The following SCRN1 variants were observed in gnomAD, a reference collection of about 807,000 sequenced individuals.
SCRN1 encodes the protein secernin-1.
SCRN1 carries 19 observed loss-of-function variants against 43.3 expected under a neutral mutation model. The ratio of observed to expected loss-of-function variants is 0.44; its 90% CI spans 0.31 to 0.64. SCRN1 has a LOEUF of 0.64. Among genes scored for constraint, SCRN1 ranks in the 30% least tolerant of loss-of-function variants. The pLI is 0.09. For missense variants in SCRN1, 447 were observed against 524.1 expected (o/e 0.85, Z 1.44); for synonymous variants, 183 against 188.9 (o/e 0.97, Z 0.26).
At chr7:29,979,324 C>G (rs917426646) in intron 1 of SCRN1, among the ~76,000 whole-genome samples, 1 of 152,056 alleles carries the variant, frequency 6.6e-6, no homozygotes, top group African/African-American at 2.4e-5. Flanking sequence ...GATCACGCCA[C>G]TGCACTCCAG....
chr7:29,937,146 A>C (rs937534923), intron 5 of SCRN1, among the ~76,000 whole-genome samples: 1 of 151,328 alleles, frequency 6.6e-6, no homozygotes, highest in African/African-American at 2.4e-5. Flanking sequence ...TTAGTAATAA[A>C]AACTCTGAAA....
chr7:29,984,328 G>A (rs1211348354), intron 1 of SCRN1, among the ~76,000 whole-genome samples: 1 of 151,408 alleles, frequency 6.6e-6, no homozygotes, highest in Non-Finnish European at 1.5e-5. Context: ...CAAATCATAT[G>A]GATAAATTTT....
intron 1 of SCRN1, among the ~76,000 whole-genome samples, chr7:29,970,280 C>A (rs934931839): frequency 4.6e-5 from 7 of 152,196 alleles, no homozygotes; most frequent in Non-Finnish European, 1.0e-4. Flanking sequence ...TCCACTCTCA[C>A]AATGCCGGCA....
intron 1 of SCRN1, among the ~76,000 whole-genome samples, chr7:29,971,887 C>T (rs1245443668): frequency 1.3e-5 from 2 of 152,158 alleles, no homozygotes; most frequent in Admixed American, 1.3e-4. Context: ...TTGTTTATGG[C>T]AGGCCCCTCC....
At chr7:29,925,142 G>A (rs1354060340) in intron 7 of SCRN1, among the ~76,000 whole-genome samples, 1 of 152,118 alleles carries the variant, frequency 6.6e-6, no homozygotes, top group Non-Finnish European at 1.5e-5. Flanking sequence ...AAACACAGTT[G>A]AATGCAGTGG....
chr7:29,974,680 TC>T (rs1788754955), intron 1 of SCRN1, among the ~76,000 whole-genome samples: 1 of 145,922 alleles, frequency 6.9e-6, no homozygotes, highest in African/African-American at 2.6e-5. Context: ...ATTCTTTCTT[TC>T]TTTCTTTTTT....
Position 29,922,055 on chromosome 7 carries a change from A to G in SCRN1, c.*1902T>C, listed in dbSNP as rs942943252. ...AACCTCACTTTCCCCCCCCCTTAAC[A>G]GTGATAGAAAGACACTTTTAGAATA... On this transcript the variant is annotated 3_prime_UTR_variant, in exon 8 of 8. Coordinates refer to ENST00000242059, the MANE Select transcript of SCRN1 (RefSeq NM_014766.5). 2.0e-5 allele frequency: 3 copies of G among 151,964 alleles called. No individual in the cohort carries two copies. The highest frequency in any genetic ancestry group is 7.3e-5 in the African/African-American group (3 of 41,344). The allele number at this position is 151,964 out of a possible 1,614,324, so 9.4% of individuals were successfully genotyped here.
chr7:29,969,872 T>G, intron 1 of SCRN1: 1 of 456,472 alleles, frequency 2.2e-6, no homozygotes, highest in Non-Finnish European at 4.4e-6. Context: ...TTCTTCCCTT[T>G]TCAAGGTTCT....
chr7:29,967,629 C>T (rs1178850250), intron 2 of SCRN1, among the ~76,000 whole-genome samples: 1 of 152,132 alleles, frequency 6.6e-6, no homozygotes, highest in East Asian at 1.9e-4. Context: ...GCACTAGAGA[C>T]AGCCCCACTC....
intron 1 of SCRN1, chr7:29,969,273 C>T (rs957814964): frequency 8.5e-6 from 5 of 588,150 alleles, no homozygotes; most frequent in Non-Finnish European, 1.5e-5. Context: ...TTGTTTAATA[C>T]TCTGTGGGAT....
chr7:29,979,753 G>A (rs1277129799), intron 1 of SCRN1, among the ~76,000 whole-genome samples: 2 of 152,196 alleles, frequency 1.3e-5, no homozygotes, highest in African/African-American at 2.4e-5. Flanking sequence ...TAATGGAATG[G>A]CATCTGTTCT....
At position 29,955,465 on chromosome 7, in the gene SCRN1, A is replaced by C. The variant is rs920083983; in HGVS notation, c.160-105T>G. The stretch of plus-strand genomic sequence containing the variant: ...CATCATATTAGTTACAAACAGAGCC[A>C]AAAAATAAAAGGCCTTGGGAATACC... On this transcript the variant is annotated intron_variant, in intron 2 of 7. Coordinates refer to ENST00000242059, the MANE Select transcript of SCRN1 (RefSeq NM_014766.5). The C allele has an allele frequency of 8.5e-5, 95 of 1,112,124 alleles. 3 individuals are homozygous for C. In the South Asian group the frequency reaches 1.5e-3, roughly 17 times the overall value. 68.9% of individuals were successfully genotyped at this position (1,112,124 alleles called of 1,614,324 possible).
chr7:29,970,690 T>C (rs1788640710), intron 1 of SCRN1, among the ~76,000 whole-genome samples: 2 of 152,202 alleles, frequency 1.3e-5, no homozygotes, highest in Admixed American at 1.3e-4. Context: ...AAGGGTTCTT[T>C]TCTTGTTTAT....
At chr7:29,974,295 A>G (rs1788744078) in intron 1 of SCRN1, among the ~76,000 whole-genome samples, 1 of 152,182 alleles carries the variant, frequency 6.6e-6, no homozygotes, top group South Asian at 2.1e-4. Context: ...TTCTTATATG[A>G]GTTATAGCTA....
At position 29,976,877 on chromosome 7, in the gene SCRN1, T is replaced by C. The variant is rs551949971; in HGVS notation, c.-1-7809A>G. ...CAAGTTCAGGCTTGAGGGACTGGAG[T>C]ACTGTACTCTCGTAACTAGGAGACC... On this transcript the variant is annotated intron_variant, in intron 1 of 7. Coordinates refer to ENST00000242059, the MANE Select transcript of SCRN1 (RefSeq NM_014766.5). Among the ~76,000 whole-genome samples the C allele has an allele frequency of 1.3e-4, 20 of 152,296 alleles. No individual in the cohort carries two copies. In the South Asian group the frequency reaches 4.1e-3, roughly 32 times the overall value.
intron 1 of SCRN1, among the ~76,000 whole-genome samples, chr7:29,979,755 A>C (rs1397630065): frequency 6.6e-6 from 1 of 152,250 alleles, no homozygotes; most frequent in Admixed American, 6.5e-5. Context: ...ATGGAATGGC[A>C]TCTGTTCTTG....
At chr7:29,951,864 T>C (rs1787938079) in intron 3 of SCRN1, among the ~76,000 whole-genome samples, 1 of 152,232 alleles carries the variant, frequency 6.6e-6, no homozygotes, top group Non-Finnish European at 1.5e-5. Flanking sequence ...TGAACTGAGG[T>C]TGGATTTCAC....
At chr7:29,963,463 T>C (rs1788394796) in intron 2 of SCRN1, among the ~76,000 whole-genome samples, 1 of 151,966 alleles carries the variant, frequency 6.6e-6, no homozygotes, top group African/African-American at 2.4e-5. Flanking sequence ...CACAGAAAAA[T>C]GCAAGTGTGT....
chr7:29,930,966 ACAAATC>A (rs1325673614), intron 6 of SCRN1, among the ~76,000 whole-genome samples: 1 of 152,128 alleles, frequency 6.6e-6, no homozygotes, highest in East Asian at 1.9e-4. Flanking sequence ...TCTCACGAAG[ACAAATC>A]CAAGGGCTGA....
Sources: gnomAD v4.1 joint callset for allele counts (sites outside exome capture counted in the v4.1 genomes callset) on GRCh38, gnomAD v4.1.1 for gene constraint, MANE v1.5 for transcripts, NCBI Gene and HGNC (gene_info 2026-07-23, HGNC 2026-07-21) for gene names.